TRAPPC9: variants seen among roughly 807,000 people sequenced by gnomAD.
The protein encoded by TRAPPC9 is trafficking protein particle complex subunit 9.
TRAPPC9 carries 83 observed loss-of-function variants against 124.0 expected under a neutral mutation model. That is an observed-to-expected ratio of 0.67 (90% confidence interval 0.56 to 0.80). TRAPPC9 has a LOEUF of 0.80. Ranked by LOEUF, TRAPPC9 falls within the 30% of genes least tolerant of loss-of-function variation. The probability of loss-of-function intolerance (pLI) is 0.00; values close to 1 mark genes in which losing one functional copy is unlikely to be tolerated. For missense variants in TRAPPC9, 1,302 were observed against 1,508.3 expected, an observed-to-expected ratio of 0.86 and a Z score of 2.27; for synonymous variants, 638 against 617.5, an observed-to-expected ratio of 1.03 and a Z score of -0.49.
At chr8:140,437,160 A>AT (rs71320360) in intron 3 of TRAPPC9, among the ~76,000 whole-genome samples, 68 of 151,114 alleles carry the variant, frequency 4.5e-4, no homozygotes, top group Admixed American at 1.8e-3. Context: ...ATTTTATTTT[A>AT]TTTTGGTAGA....
At position 139,984,557 on chromosome 8, in the gene TRAPPC9, A is replaced by C. The variant is rs1837121358; in HGVS notation, c.2810+4169T>G. ...TGGGAAGGAACTGGATACTCAAGAC[A>C]CAAAGCCTGGAAGGACAGGGACCAG... On this transcript the variant is annotated intron_variant, in intron 19 of 22. Coordinates refer to ENST00000438773, the MANE Select transcript of TRAPPC9 (RefSeq NM_001160372.4). This position sits in a 1 kb window ranked among gnomAD's most constrained non-coding sequence, Gnocchi z 4.3. Among the ~76,000 whole-genome samples the C allele has an allele frequency of 6.6e-6, 1 of 152,118 alleles. No homozygotes were observed. The highest frequency in any genetic ancestry group is 2.1e-4 in the South Asian group (1 of 4,818).
chr8:140,445,689 C>G (rs2132670368), intron 2 of TRAPPC9, among the ~76,000 whole-genome samples: 1 of 152,374 alleles, frequency 6.6e-6, no homozygotes, highest in East Asian at 1.9e-4. Context: ...ACATTCATGT[C>G]TCTTCTGTTC....
chr8:140,046,383 G>T (rs1165645434), intron 17 of TRAPPC9, among the ~76,000 whole-genome samples: 1 of 152,260 alleles, frequency 6.6e-6, no homozygotes. Context: ...AAGAGAGCTG[G>T]ATGGACAGGG....
At chr8:140,186,474 T>G (rs1014275480) in intron 17 of TRAPPC9, among the ~76,000 whole-genome samples, 5 of 152,002 alleles carry the variant, frequency 3.3e-5, no homozygotes, top group African/African-American at 9.7e-5. Flanking sequence ...TAATCCCAGG[T>G]ACTTGGGTAG....
At chr8:140,278,401 C>T (rs1286516457) in intron 14 of TRAPPC9, among the ~76,000 whole-genome samples, 1 of 152,214 alleles carries the variant, frequency 6.6e-6, no homozygotes, top group Non-Finnish European at 1.5e-5. Context: ...CCACCGCACC[C>T]GGCCGTGACA....
chr8:140,095,147 C>T (rs187504867), intron 17 of TRAPPC9: 70 of 152,364 alleles, frequency 4.6e-4, no homozygotes, highest in African/African-American at 1.6e-3. Context: ...AGCAAGGACC[C>T]CCTGAGACCT....
intron 7 of TRAPPC9, among the ~76,000 whole-genome samples, chr8:140,392,560 C>T (rs746460264): frequency 2.5e-4 from 38 of 152,242 alleles, no homozygotes; most frequent in Non-Finnish European, 4.3e-4. Context: ...CATGAGACCA[C>T]GTCTGTTTTG....
intron 19 of TRAPPC9, among the ~76,000 whole-genome samples, chr8:139,967,220 T>C (rs964284697): frequency 6.6e-6 from 1 of 152,194 alleles, no homozygotes; most frequent in Non-Finnish European, 1.5e-5. Context: ...TCTTGGGTCC[T>C]TCCCCTTCAC....
chr8:139,732,450 G>A (rs1010232715), intron 21 of TRAPPC9, among the ~76,000 whole-genome samples: 1 of 152,230 alleles, frequency 6.6e-6, no homozygotes, highest in Non-Finnish European at 1.5e-5. Flanking sequence ...CAATGGAGGG[G>A]CCTCTGGGAG....
rs568526453 is a variant in TRAPPC9, at chr8:140,456,125, A to G, written c.-11+1514T>C. 1.4e-3 allele frequency among the ~76,000 whole-genome samples: 218 copies of G among 152,202 alleles called. 1 individual carries two copies. Among genetic ancestry groups the G allele is most frequent in the Non-Finnish European group, 2.1e-3 (146 of 68,000 alleles). On this transcript the variant is annotated intron_variant, in intron 1 of 22. Coordinates refer to ENST00000438773, the MANE Select transcript of TRAPPC9 (RefSeq NM_001160372.4). ...GTGTGAATATACTAAAAATTACTGA[A>G]TTGGCCAGGCATGGTGGCTCACGCC...
chr8:139,818,816 C>G (rs1378226128), intron 21 of TRAPPC9, among the ~76,000 whole-genome samples: 2 of 152,210 alleles, frequency 1.3e-5, no homozygotes, highest in Non-Finnish European at 2.9e-5. Flanking sequence ...TGGCAAAGCC[C>G]TTCCCCATTC....
intron 17 of TRAPPC9, chr8:140,041,149 C>T (rs984733354): frequency 6.6e-6 from 1 of 152,222 alleles, no homozygotes; most frequent in African/African-American, 2.4e-5. Flanking sequence ...TGACCCAGCC[C>T]TACCCGCAAG....
At position 140,101,532 on chromosome 8, in the gene TRAPPC9, C is replaced by CTTTTTTTTTTTTTTTTTTTTTTTTTTTTT. The variant is rs1234280796; in HGVS notation, c.2557-77454_2557-77453insAAAAAAAAAAAAAAAAAAAAAAAAAAAAA. Among the ~76,000 whole-genome samples, 14 of 78,722 alleles carry CTTTTTTTTTTTTTTTTTTTTTTTTTTTTT rather than the reference C, an allele frequency of 1.8e-4. 3 individuals are homozygous for CTTTTTTTTTTTTTTTTTTTTTTTTTTTTT. The highest frequency in any genetic ancestry group is 4.1e-4 in the South Asian group (1 of 2,450). 51.6% of individuals were successfully genotyped at this position (78,722 alleles called of 152,430 possible). On this transcript the variant is annotated intron_variant, in intron 17 of 22. Transcript: ENST00000438773. ...ACTTGGGTTGGTTTTGTAGGGTTTT[C>CTTTTTTTTTTTTTTTTTTTTTTTTTTTTT]TTTTTTTTGTTTTTTTTTTTTTTTT...
chr8:140,135,586 A>T (rs2061289152), intron 17 of TRAPPC9, among the ~76,000 whole-genome samples: 1 of 152,240 alleles, frequency 6.6e-6, no homozygotes, highest in Non-Finnish European at 1.5e-5. Flanking sequence ...AGAATAGGCA[A>T]ATCCATAGAG....
intron 7 of TRAPPC9, among the ~76,000 whole-genome samples, chr8:140,393,061 T>TATTTTATTTTATTTTATTTC (rs1563994713): frequency 6.7e-5 from 10 of 150,342 alleles, no homozygotes; most frequent in Non-Finnish European, 1.5e-4. Context: ...TATTTTATTT[T>TATTTTATTTTATTTTATTTC]ATTTTATTTT....
chr8:139,761,888 G>A (rs571326692), intron 21 of TRAPPC9, among the ~76,000 whole-genome samples: 4 of 151,486 alleles, frequency 2.6e-5, no homozygotes, highest in Non-Finnish European at 5.9e-5. Flanking sequence ...TCTTCTGCTT[G>A]TCTCCCCTGA....
At chr8:140,422,536 C>T (rs1048829613) in intron 5 of TRAPPC9, among the ~76,000 whole-genome samples, 1 of 151,946 alleles carries the variant, frequency 6.6e-6, no homozygotes, top group Admixed American at 6.6e-5. Flanking sequence ...GGCGGATCAC[C>T]TGAGGTCAGG....
intron 17 of TRAPPC9, among the ~76,000 whole-genome samples, chr8:140,067,588 G>T (rs1053894128): frequency 2.6e-5 from 4 of 152,192 alleles, no homozygotes; most frequent in African/African-American, 7.2e-5. Context: ...GCAAAGAAAA[G>T]AACTGAAAGC....
intron 7 of TRAPPC9, among the ~76,000 whole-genome samples, chr8:140,397,219 T>G (rs773807567): frequency 6.6e-6 from 1 of 152,236 alleles, no homozygotes; most frequent in Non-Finnish European, 1.5e-5. Flanking sequence ...GGGTTACCAC[T>G]GTGTCAAAGG....
Sources: gnomAD v4.1 joint callset for allele counts (sites outside exome capture counted in the v4.1 genomes callset) on GRCh38, gnomAD v4.1.1 for gene constraint, Gnocchi (gnomAD v3.1) non-coding constraint, MANE v1.5 for transcripts, NCBI Gene and HGNC (gene_info 2026-07-23, HGNC 2026-07-21) for gene names.